CDC42SE2: variants seen among roughly 807,000 people sequenced by gnomAD.
CDC42SE2 encodes CDC42 small effector 2, also known as CDC42 small effector protein 2.
CDC42SE2 carries 3 observed loss-of-function variants against 11.5 expected under a neutral mutation model. The observed-to-expected ratio is 0.26, with a 90% CI of 0.12 to 0.67. The LOEUF is 0.67. Among genes scored for constraint, CDC42SE2 ranks in the 30% least tolerant of loss-of-function variants. The probability of loss-of-function intolerance (pLI) is 0.80; values close to 1 mark genes in which losing one functional copy is unlikely to be tolerated. For synonymous variants in CDC42SE2, 33 were observed against 34.8 expected (o/e 0.95, Z 0.18); for missense variants, 82 against 106.8 (o/e 0.77, Z 1.02).
At chr5:131,312,621 G>C (rs923789558) in intron 1 of CDC42SE2, among the ~76,000 whole-genome samples, 3 of 152,236 alleles carry the variant, frequency 2.0e-5, no homozygotes, top group East Asian at 1.9e-4. Flanking sequence ...CTCCGAGCCA[G>C]GCGCGGGATA....
intron 1 of CDC42SE2, among the ~76,000 whole-genome samples, chr5:131,250,382 A>G (rs919552027): frequency 3.3e-5 from 5 of 152,386 alleles, no homozygotes; most frequent in African/African-American, 7.2e-5. Flanking sequence ...ACACTATTAC[A>G]TAGAGGAAAC....
the CDC42SE2 span, among the ~76,000 whole-genome samples, chr5:131,233,010 T>G: frequency 6.6e-6 from 1 of 151,942 alleles, no homozygotes; most frequent in Non-Finnish European, 1.5e-5. Flanking sequence ...TCTCTGTCCC[T>G]TGCTTCCAAG....
intron 1 of CDC42SE2, among the ~76,000 whole-genome samples, chr5:131,267,834 G>A (rs528002350): frequency 5.1e-4 from 77 of 151,972 alleles, no homozygotes; most frequent in African/African-American, 1.6e-3. Flanking sequence ...AATGAGTCTG[G>A]GATAGTTTGT....
intron 1 of CDC42SE2, among the ~76,000 whole-genome samples, chr5:131,302,823 CTT>C (rs201295430): frequency 3.3e-4 from 46 of 140,012 alleles, no homozygotes; most frequent in Admixed American, 5.0e-4. Flanking sequence ...CCTCATGACT[CTT>C]TTTTTTTTTT....
intron 1 of CDC42SE2, among the ~76,000 whole-genome samples, chr5:131,267,278 C>T (rs534154911): frequency 5.3e-5 from 8 of 151,900 alleles, no homozygotes; most frequent in Admixed American, 3.3e-4. Context: ...ATGATGGTCT[C>T]GGTCTCTTGA....
At chr5:131,283,600 T>C (rs1319085200) in intron 1 of CDC42SE2, among the ~76,000 whole-genome samples, 1 of 151,874 alleles carries the variant, frequency 6.6e-6, no homozygotes, top group African/African-American at 2.4e-5. Flanking sequence ...TTCAAGTGAT[T>C]CTCCTGCCTC....
intron 2 of CDC42SE2, among the ~76,000 whole-genome samples, chr5:131,346,659 G>C (rs900284467): frequency 3.3e-5 from 5 of 152,150 alleles, no homozygotes; most frequent in Admixed American, 6.5e-5. Flanking sequence ...CAACCTAATA[G>C]ACATCTACAG....
the CDC42SE2 span, among the ~76,000 whole-genome samples, chr5:131,216,449 C>A: frequency 6.9e-6 from 1 of 144,950 alleles, no homozygotes. Context: ...CTGCAATGAG[C>A]TGTGGTCACA....
intron 2 of CDC42SE2, among the ~76,000 whole-genome samples, chr5:131,323,595 A>G (rs568190332): frequency 1.7e-5 from 2 of 116,644 alleles, no homozygotes; most frequent in East Asian, 4.9e-4. Context: ...TGAGTCACCT[A>G]GGGAACAGAC....
intron 3 of CDC42SE2, among the ~76,000 whole-genome samples, chr5:131,382,066 C>T (rs1261891645): frequency 2.6e-5 from 4 of 152,180 alleles, no homozygotes; most frequent in Non-Finnish European, 1.5e-5. Flanking sequence ...AAGAAACCTT[C>T]CAATACTAAG....
At chr5:131,238,773 A>G in the CDC42SE2 span, among the ~76,000 whole-genome samples, 1 of 152,038 alleles carries the variant, frequency 6.6e-6, no homozygotes, top group African/African-American at 2.4e-5. Context: ...TTTAATTTCT[A>G]GAAATTTTAT....
intron 1 of CDC42SE2, among the ~76,000 whole-genome samples, chr5:131,296,335 C>T (rs897215805): frequency 1.3e-5 from 2 of 152,058 alleles, no homozygotes; most frequent in Non-Finnish European, 2.9e-5. Context: ...TATTCATTTC[C>T]TGGGTTTGCC....
At chr5:131,377,197 A>T in intron 3 of CDC42SE2, among the ~76,000 whole-genome samples, 1 of 147,300 alleles carries the variant, frequency 6.8e-6, no homozygotes. Flanking sequence ...TTTTTGAGAC[A>T]GAGTCTCTCT....
chr5:131,318,805 A>G (rs1580751237), intron 2 of CDC42SE2, among the ~76,000 whole-genome samples: 1 of 152,364 alleles, frequency 6.6e-6, no homozygotes, highest in Non-Finnish European at 1.5e-5. Flanking sequence ...ATACATCTGC[A>G]TAATGAGAAC....
intron 2 of CDC42SE2, among the ~76,000 whole-genome samples, chr5:131,322,746 G>T (rs1758218079): frequency 6.6e-6 from 1 of 152,158 alleles, no homozygotes; most frequent in South Asian, 2.1e-4. Flanking sequence ...GCTACCTCTT[G>T]GCTAGTATGA....
At chr5:131,305,433 A>G (rs1013169924) in intron 1 of CDC42SE2, among the ~76,000 whole-genome samples, 4 of 152,204 alleles carry the variant, frequency 2.6e-5, no homozygotes, top group African/African-American at 4.8e-5. Flanking sequence ...GCAAGTACGT[A>G]TATAGATTGA....
intron 1 of CDC42SE2, among the ~76,000 whole-genome samples, chr5:131,280,236 A>T (rs952496160): frequency 6.6e-6 from 1 of 152,178 alleles, no homozygotes; most frequent in Non-Finnish European, 1.5e-5. Flanking sequence ...ACACACACAA[A>T]CTGTATTTAA....
At chr5:131,217,818 A>G in the CDC42SE2 span, among the ~76,000 whole-genome samples, 1 of 152,242 alleles carries the variant, frequency 6.6e-6, no homozygotes, top group Admixed American at 6.5e-5. Flanking sequence ...TTTGTGATAC[A>G]TATATCTGAT....
At chr5:131,293,875 T>A (rs1757514768) in intron 1 of CDC42SE2, among the ~76,000 whole-genome samples, 1 of 152,218 alleles carries the variant, frequency 6.6e-6, no homozygotes, top group Admixed American at 6.5e-5. Flanking sequence ...GACTGATCGC[T>A]CTGCCATAGA....
Sources: allele counts gnomAD v4.1 joint callset (sites outside exome capture counted in the v4.1 genomes callset), GRCh38; gene constraint gnomAD v4.1.1; transcripts MANE v1.5; gene names NCBI Gene and HGNC (gene_info 2026-07-23, HGNC 2026-07-21).